The following INPP5A variants were observed in gnomAD, a reference collection of about 807,000 sequenced individuals.
INPP5A encodes 43 kDa inositol polyphosphate 5-phophatase.
In INPP5A, 14 loss-of-function variants were observed where a neutral mutation model predicts 65.2. The ratio of observed to expected loss-of-function variants is 0.21; its 90% CI spans 0.14 to 0.34. The LOEUF (loss-of-function observed/expected upper bound fraction) is 0.34. Ranked by LOEUF, INPP5A falls within the 10% of genes least tolerant of loss-of-function variation. The pLI, the probability that INPP5A is intolerant of heterozygous loss-of-function variation, is 1.00. For missense variants in INPP5A, 431 were observed against 545.6 expected (o/e 0.79, Z 2.09); for synonymous variants, 207 against 208.3 (o/e 0.99, Z 0.05).
chr10:132,595,553 T>A (rs1261455890), intron 1 of INPP5A, among the ~76,000 whole-genome samples: 2 of 152,196 alleles, frequency 1.3e-5, no homozygotes, highest in African/African-American at 4.8e-5. Flanking sequence ...GCTCACTGCC[T>A]TTCTTACCTA....
rs1005818950 is a variant in INPP5A, at chr10:132,782,411, C to T, written c.*382C>T. The T allele has an allele frequency of 7.0e-6, 2 of 284,924 alleles. No individual in the cohort carries two copies. Among genetic ancestry groups the T allele is most frequent in the East Asian group, 1.9e-4 (2 of 10,368 alleles). The allele number at this position is 284,924 out of a possible 1,614,324, so 17.6% of individuals were successfully genotyped here. A position where few individuals can be genotyped will look rare whatever the true frequency, so the allele number is the denominator to read the frequency against. On this transcript the variant is annotated 3_prime_UTR_variant, in exon 16 of 16. Transcript: ENST00000368594. This position sits in a 1 kb window ranked among gnomAD's most constrained non-coding sequence, Gnocchi z 4.4. ...GACCCCCCACTGTGTCCAGGGACCC[C>T]CTCTGCCAGGTGGAGGTGTGTCCAG...
chr10:132,554,724 C>T (rs1456075055), intron 1 of INPP5A, among the ~76,000 whole-genome samples: 3 of 133,112 alleles, frequency 2.3e-5, no homozygotes, highest in South Asian at 2.5e-4. Context: ...ATGTGGGTGG[C>T]GTGGTATTGT....
intron 8 of INPP5A, among the ~76,000 whole-genome samples, chr10:132,716,315 G>T (rs933519547): frequency 8.5e-5 from 13 of 152,230 alleles, no homozygotes; most frequent in Non-Finnish European, 2.9e-5. Flanking sequence ...TTGTGACACA[G>T]GCACGGATGT....
At chr10:132,571,029 C>T (rs1035381567) in intron 1 of INPP5A, among the ~76,000 whole-genome samples, 2 of 152,014 alleles carry the variant, frequency 1.3e-5, no homozygotes, top group Middle Eastern at 3.2e-3. Context: ...GGGTTCGGGG[C>T]GTTGGAACAT....
Position 132,551,909 on chromosome 10 carries a change from G to A in INPP5A, c.75+13738G>A, listed in dbSNP as rs565750771. Among the ~76,000 whole-genome samples the A allele has an allele frequency of 2.7e-4, 41 of 152,334 alleles. No individual in the cohort carries two copies. The highest frequency in any genetic ancestry group is 5.1e-4 in the Non-Finnish European group (35 of 68,024). On this transcript the variant is annotated intron_variant, in intron 1 of 15. Transcript: ENST00000368594. The surrounding 1 kb of genome is among the most constrained non-coding windows in gnomAD (Gnocchi z 5.3). The stretch of plus-strand genomic sequence containing the variant: ...GGGTTTGGAGCTCTGCCTGCCTTGC[G>A]GCCCAACCTGGCAGTACCCCCCACA...
In INPP5A at chr10:132,550,409, G is replaced by C. The variant is rs961110875; in HGVS notation, c.75+12238G>C. 1.3e-5 allele frequency among the ~76,000 whole-genome samples: 2 copies of C among 152,216 alleles called. No individual in the cohort carries two copies. The highest frequency in any genetic ancestry group is 4.8e-5 in the African/African-American group (2 of 41,442). On this transcript the variant is annotated intron_variant, in intron 1 of 15. Transcript: ENST00000368594. The surrounding 1 kb of genome is among the most constrained non-coding windows in gnomAD (Gnocchi z 4.2). ...AGGTGCAGGTCTCAGCAGCAACTCT[G>C]AGGTTCTGCATAGCTAGTGCCACCT...
In INPP5A at chr10:132,780,251, C is replaced by T. The variant is rs563665336; in HGVS notation, c.1090-598C>T. On this transcript the variant is annotated intron_variant, in intron 13 of 15. Coordinates refer to ENST00000368594, the MANE Select transcript of INPP5A (RefSeq NM_005539.5). ...GTGCTGACCAGCAGCAAACCCCTTCCGGAGGCGCCCGGAATACAGGCACCT... is the reference window on the plus strand; with the variant it reads ...GTGCTGACCAGCAGCAAACCCCTTCTGGAGGCGCCCGGAATACAGGCACCT... Among the ~76,000 whole-genome samples the T allele has an allele frequency of 2.6e-5, 4 of 152,368 alleles. No homozygotes were observed. In the South Asian group the frequency reaches 6.2e-4, roughly 24 times the overall value.
chr10:132,617,898 C>T (rs2072061917), intron 2 of INPP5A, among the ~76,000 whole-genome samples: 1 of 152,276 alleles, frequency 6.6e-6, no homozygotes, highest in African/African-American at 2.4e-5. Context: ...CATGTGCGTA[C>T]AGCTTACTCT....
chr10:132,591,883 GCTGTGTTT>G (rs1442647490), intron 1 of INPP5A, among the ~76,000 whole-genome samples: 3 of 152,200 alleles, frequency 2.0e-5, no homozygotes, highest in African/African-American at 7.2e-5. Flanking sequence ...GGGCGCCCTT[GCTGTGTTT>G]CCTTGTCCGA....
At chr10:132,608,703 G>T (rs940998077) in intron 2 of INPP5A, among the ~76,000 whole-genome samples, 1 of 152,250 alleles carries the variant, frequency 6.6e-6, no homozygotes, top group Non-Finnish European at 1.5e-5. Context: ...TGGTGGTGAG[G>T]TCAGCTTCAG....
At position 132,616,101 on chromosome 10, in the gene INPP5A, G is replaced by A. The variant is rs143314258; in HGVS notation, c.117+8145G>A. ...TCGTTTTAGGAGCATGTGTGTGAGC[G>A]TGAGGATGCCCATGGCCAGTGGACA... is the stretch of plus-strand genomic sequence containing the variant. On this transcript the variant is annotated intron_variant, in intron 2 of 15. Transcript: ENST00000368594. The surrounding 1 kb of genome is among the most constrained non-coding windows in gnomAD (Gnocchi z 4.9). Among the ~76,000 whole-genome samples the A allele has an allele frequency of 3.0e-4, 45 of 152,298 alleles. No individual in the cohort carries two copies. In the East Asian group the frequency reaches 8.1e-3, roughly 27 times the overall value.
In INPP5A at chr10:132,741,787, G is replaced by A. The variant is rs1429079802; in HGVS notation, c.733-7730G>A. Among the ~76,000 whole-genome samples the A allele has an allele frequency of 6.6e-6, 1 of 150,544 alleles. No homozygotes were observed. The highest frequency in any genetic ancestry group is 2.4e-5 in the African/African-American group (1 of 41,090). On this transcript the variant is annotated intron_variant, in intron 9 of 15. Coordinates refer to ENST00000368594, the MANE Select transcript of INPP5A (RefSeq NM_005539.5). The surrounding 1 kb of genome is among the most constrained non-coding windows in gnomAD (Gnocchi z 4.4). ...TGGACGTCAGTGTCCGCGTCCGCTT[G>A]CTTTACTCAATAGCCGACGTAAACT... is the stretch of plus-strand genomic sequence containing the variant.
Position 132,594,934 on chromosome 10 carries a change from GT to G in INPP5A, c.76-12979del, listed in dbSNP as rs1318409249. Among the ~76,000 whole-genome samples the G allele has an allele frequency of 2.0e-5, 3 of 152,182 alleles. No homozygotes were observed. The East Asian group carries it at 5.8e-4, about 29-fold the overall frequency. On this transcript the variant is annotated intron_variant, in intron 1 of 15. Transcript: ENST00000368594. The stretch of plus-strand genomic sequence containing the variant: ...TAACATTCTGGCCAAAGTGGCTTTC[GT>G]TGTTTTCTTCTTCCTAAAGCCTTTA...
At position 132,710,559 on chromosome 10, in the gene INPP5A, G is replaced by A. The variant is rs1845617262; in HGVS notation, c.647+103G>A. ...TGTGGGCGGACAAGTAGGTATGCTG[G>A]GCAGGTCGGTGTGGGTGGACAGGTA... is the stretch of plus-strand genomic sequence containing the variant. On this transcript the variant is annotated intron_variant, in intron 8 of 15. Coordinates refer to ENST00000368594, the MANE Select transcript of INPP5A (RefSeq NM_005539.5). 2.1e-5 allele frequency: 32 copies of A among 1,498,800 alleles called. No homozygotes were observed. The East Asian group carries it at 5.0e-4, about 23-fold the overall frequency. The allele number at this position is 1,498,800 out of a possible 1,614,324, so 92.8% of individuals were successfully genotyped here.
chr10:132,726,375 G>A (rs1232297603), intron 8 of INPP5A, among the ~76,000 whole-genome samples: 1 of 152,152 alleles, frequency 6.6e-6, no homozygotes, highest in Non-Finnish European at 1.5e-5. Context: ...CCCTCCCGCT[G>A]TCGGTCCCTC....
chr10:132,700,044 G>A (rs1263343175), intron 6 of INPP5A, among the ~76,000 whole-genome samples: 1 of 152,206 alleles, frequency 6.6e-6, no homozygotes, highest in Admixed American at 6.5e-5. Flanking sequence ...GCATGGGTCT[G>A]TGGAGGGCAT....
At position 132,635,386 on chromosome 10, in the gene INPP5A, A is replaced by ATTTTTTTTTTTTTTTTTTTTTTT. The variant is rs775271931; in HGVS notation, c.118-10477_118-10455dup. ...TTATTGGCTGTTTGCCTTTTTAAAG[A>ATTTTTTTTTTTTTTTTTTTTTTT]TTTTTTTTTTTTTTTTTTTTTTTTT... On this transcript the variant is annotated intron_variant, in intron 2 of 15. Transcript: ENST00000368594. Among the ~76,000 whole-genome samples, 3 of 54,500 alleles carry ATTTTTTTTTTTTTTTTTTTTTTT rather than the reference A, an allele frequency of 5.5e-5. 1 individual carries two copies. The highest frequency in any genetic ancestry group is 9.1e-5 in the Non-Finnish European group (3 of 32,868). The allele number at this position is 54,500 out of a possible 152,430, so 35.8% of individuals were successfully genotyped here.
chr10:132,658,720 C>T (rs937770706), intron 4 of INPP5A, among the ~76,000 whole-genome samples: 2 of 151,994 alleles, frequency 1.3e-5, no homozygotes, highest in African/African-American at 2.4e-5. Flanking sequence ...TGCTCTAGGC[C>T]CTCTGGGCTC....
Position 132,707,060 on chromosome 10 carries a change from T to A in INPP5A, c.475-1253T>A. Among the ~76,000 whole-genome samples, 1 of 152,228 alleles carries A rather than the reference T, an allele frequency of 6.6e-6. No homozygotes were observed. On this transcript the variant is annotated intron_variant, in intron 6 of 15. Transcript: ENST00000368594. This position sits in a 1 kb window ranked among gnomAD's most constrained non-coding sequence, Gnocchi z 5.5. ...GGGAGAGCCTCTGATCACTGCGCTC[T>A]CCGTGTTAGATAGAGGGAGCACGCC...
Sources: allele counts gnomAD v4.1 joint callset (sites outside exome capture counted in the v4.1 genomes callset), GRCh38; gene constraint gnomAD v4.1.1; non-coding constraint Gnocchi (gnomAD v3.1); transcripts MANE v1.5; gene names NCBI Gene and HGNC (gene_info 2026-07-23, HGNC 2026-07-21).